Variants in EPHA6 observed in about 807,000 individuals in gnomAD.
EPHA6 encodes the protein EPH receptor A6.
EPHA6 carries 50 observed loss-of-function variants against 112.0 expected under a neutral mutation model. The observed-to-expected ratio is 0.45, with a 90% CI of 0.36 to 0.56. The LOEUF is 0.56. EPHA6 is among the 20% of genes least tolerant of loss of function. The probability of loss-of-function intolerance (pLI) is 0.00; values close to 1 mark genes in which losing one functional copy is unlikely to be tolerated. For missense variants in EPHA6, 1,280 were observed against 1,417.4 expected, an observed-to-expected ratio of 0.90 and a Z score of 1.56; for synonymous variants, 529 against 490.7, an observed-to-expected ratio of 1.08 and a Z score of -1.03.
chr3:97,162,218 C>T (rs750812790), intron 3 of EPHA6, among the ~76,000 whole-genome samples: 2 of 152,128 alleles, frequency 1.3e-5, no homozygotes, highest in Non-Finnish European at 2.9e-5. Context: ...TCAATGATGG[C>T]ACTGACTGCT....
At chr3:97,189,013 T>C (rs2077230291) in intron 3 of EPHA6, among the ~76,000 whole-genome samples, 1 of 151,874 alleles carries the variant, frequency 6.6e-6, no homozygotes, top group Non-Finnish European at 1.5e-5. Flanking sequence ...ATCTTTACGA[T>C]AAAAATTGAA....
chr3:97,061,228 A>G (rs932461098), intron 3 of EPHA6, among the ~76,000 whole-genome samples: 30 of 152,194 alleles, frequency 2.0e-4, no homozygotes, highest in Non-Finnish European at 3.5e-4. Context: ...CATGAATTGT[A>G]TGCTTAAGAA....
chr3:97,488,926 C>A (rs2091765710), intron 10 of EPHA6, among the ~76,000 whole-genome samples: 1 of 152,200 alleles, frequency 6.6e-6, no homozygotes, highest in African/African-American at 2.4e-5. Flanking sequence ...AAAAGATCAG[C>A]TTTACCCATT....
intron 15 of EPHA6, among the ~76,000 whole-genome samples, chr3:97,722,674 C>A (rs921616729): frequency 4.0e-5 from 6 of 151,888 alleles, no homozygotes; most frequent in Non-Finnish European, 8.8e-5. Context: ...ACATGATAAT[C>A]ACTGCTATGG....
At chr3:97,567,681 G>A (rs2093285050) in intron 11 of EPHA6, among the ~76,000 whole-genome samples, 1 of 152,188 alleles carries the variant, frequency 6.6e-6, no homozygotes, top group African/African-American at 2.4e-5. Flanking sequence ...TCGAGGCAGA[G>A]ATTGGACTGA....
intron 6 of EPHA6, among the ~76,000 whole-genome samples, chr3:97,420,716 C>G (rs2088548064): frequency 6.6e-6 from 1 of 151,884 alleles, no homozygotes; most frequent in Non-Finnish European, 1.5e-5. Context: ...CCAGAATAAC[C>G]TCTTAACTGA....
At chr3:97,234,311 A>G (rs934966276) in intron 4 of EPHA6, among the ~76,000 whole-genome samples, 6 of 152,064 alleles carry the variant, frequency 3.9e-5, no homozygotes, top group Non-Finnish European at 5.9e-5. Flanking sequence ...TCAAATTTAT[A>G]TTATCAAAAA....
chr3:96,863,437 T>A (rs906952649), intron 1 of EPHA6, among the ~76,000 whole-genome samples: 4 of 151,938 alleles, frequency 2.6e-5, no homozygotes, highest in African/African-American at 7.2e-5. Context: ...TTACTACATA[T>A]CTCTAAAATT....
At chr3:97,119,618 G>A (rs1417873880) in intron 3 of EPHA6, among the ~76,000 whole-genome samples, 1 of 151,950 alleles carries the variant, frequency 6.6e-6, no homozygotes, top group East Asian at 1.9e-4. Context: ...AGATGAGACA[G>A]AAAAGCAGGA....
At chr3:97,417,863 G>A (rs962211049) in intron 6 of EPHA6, among the ~76,000 whole-genome samples, 1 of 152,018 alleles carries the variant, frequency 6.6e-6, no homozygotes, top group Non-Finnish European at 1.5e-5. Context: ...CCTATCTAGA[G>A]AAAAGCTCTC....
At chr3:97,249,267 A>G (rs552784757) in intron 5 of EPHA6, among the ~76,000 whole-genome samples, 1 of 152,274 alleles carries the variant, frequency 6.6e-6, no homozygotes, top group East Asian at 1.9e-4. Context: ...TCTGTCTTCA[A>G]CAAAAGTGTT....
chr3:97,613,461 T>C, intron 13 of EPHA6, among the ~76,000 whole-genome samples: 1 of 152,130 alleles, frequency 6.6e-6, no homozygotes, highest in East Asian at 1.9e-4. Context: ...CAATTTGTTA[T>C]TTTATTATGA....
chr3:97,397,328 T>G (rs2109089448), intron 5 of EPHA6, among the ~76,000 whole-genome samples: 1 of 151,830 alleles, frequency 6.6e-6, no homozygotes, highest in Non-Finnish European at 1.5e-5. Flanking sequence ...ATGCTATATT[T>G]TCTGCTTTTT....
At chr3:97,405,374 GT>G in intron 6 of EPHA6, 100 bp downstream of exon 6, 1 of 1,084,396 alleles carries the variant, frequency 9.2e-7, no homozygotes, top group Non-Finnish European at 1.3e-6. Flanking sequence ...TTTAAACCCT[GT>G]TCTTCTTTGG....
At chr3:97,383,766 A>G (rs1466434645) in intron 5 of EPHA6, among the ~76,000 whole-genome samples, 5 of 152,234 alleles carry the variant, frequency 3.3e-5, no homozygotes, top group African/African-American at 9.6e-5. Context: ...AAAGTAGAAC[A>G]TTAAAAGCTC....
At chr3:97,695,509 C>T (rs971113556) in intron 14 of EPHA6, among the ~76,000 whole-genome samples, 4 of 152,182 alleles carry the variant, frequency 2.6e-5, no homozygotes, top group African/African-American at 9.7e-5. Flanking sequence ...TATTGTAAGA[C>T]CACCGGTTAT....
chr3:97,025,528 C>T (rs896285982), intron 3 of EPHA6, among the ~76,000 whole-genome samples: 1 of 152,132 alleles, frequency 6.6e-6, no homozygotes, highest in Non-Finnish European at 1.5e-5. Context: ...CAATTGCTTT[C>T]AGTGTCTTCA....
At chr3:97,560,808 T>C (rs2093179015) in intron 11 of EPHA6, among the ~76,000 whole-genome samples, 1 of 152,018 alleles carries the variant, frequency 6.6e-6, no homozygotes, top group South Asian at 2.1e-4. Context: ...AGGTATTGCG[T>C]TTTTTACAAA....
chr3:96,826,973 G>A (rs948211279), intron 1 of EPHA6, among the ~76,000 whole-genome samples: 1 of 152,012 alleles, frequency 6.6e-6, no homozygotes, highest in Non-Finnish European at 1.5e-5. Flanking sequence ...TCCTAAGTGG[G>A]GTTCCTTATC....
Sources: allele counts gnomAD v4.1 joint callset (sites outside exome capture counted in the v4.1 genomes callset), GRCh38; gene constraint gnomAD v4.1.1; transcripts MANE v1.5; gene names NCBI Gene and HGNC (gene_info 2026-07-23, HGNC 2026-07-21).